Variants in ACSL5 observed in about 807,000 individuals in gnomAD.
The protein encoded by ACSL5 is acyl-CoA synthetase long chain family member 5.
In ACSL5, 50 loss-of-function variants were observed where a neutral mutation model predicts 84.9. The observed-to-expected ratio is 0.59, with a 90% confidence interval of 0.47 to 0.75. ACSL5 has a LOEUF of 0.75. ACSL5 is among the 30% of genes least tolerant of loss of function. The pLI is 0.00. For missense variants in ACSL5, 775 were observed against 830.4 expected (o/e 0.93, Z 0.82); for synonymous variants, 280 against 300.7 (o/e 0.93, Z 0.71).
Position 112,398,974 on chromosome 10 carries a change from T to C in ACSL5, c.230T>C (p.Met77Thr), listed in dbSNP as rs35183065. 1.3e-4 allele frequency: 214 copies of C among 1,614,052 alleles called. No individual in the cohort carries two copies. In the African/African-American group the frequency reaches 2.6e-3, roughly 19 times the overall value. Residue 77 changes from methionine (M) to threonine (T), a missense_variant, in exon 3 of 21, where the codon ATG (methionine) becomes ACG (threonine). Transcript: ENST00000354655. ...TGCTGCTTCTCAGATGCCAAGACTATGTATGAGGTTTTCCAAAGAGGACTC... is the reference window on the plus strand; with the variant it reads ...TGCTGCTTCTCAGATGCCAAGACTACGTATGAGGTTTTCCAAAGAGGACTC... ...TSCCFSDAKT[M>T]YEVFQRGLAV... is the part of the protein sequence containing the mutation.
intron 12 of ACSL5, among the ~76,000 whole-genome samples, chr10:112,416,198 G>T (rs528233412): frequency 6.6e-6 from 1 of 152,162 alleles, no homozygotes; most frequent in Non-Finnish European, 1.5e-5. Context: ...TGGGCCGGGC[G>T]TGGTGGCTCA....
intron 18 of ACSL5, 93 bp downstream of exon 18, chr10:112,425,574 G>T: frequency 5.5e-5 from 47 of 852,418 alleles, no homozygotes; most frequent in Non-Finnish European, 6.7e-5. Flanking sequence ...TTCAGAATGA[G>T]AAGATCCAAG....
intron 1 of ACSL5, among the ~76,000 whole-genome samples, chr10:112,377,945 C>T (rs1179288302): frequency 2.0e-5 from 3 of 152,192 alleles, no homozygotes; most frequent in Non-Finnish European, 2.9e-5. Context: ...AAAGAGAAAA[C>T]ACTTTTTAAT....
At chr10:112,413,444 C>T (rs372211879) in intron 12 of ACSL5, 137 bp downstream of exon 12, 47 of 1,144,170 alleles carry the variant, frequency 4.1e-5, no homozygotes, top group Non-Finnish European at 4.8e-5. Flanking sequence ...ATACAATCCC[C>T]GCCAGGTGTG....
At chr10:112,416,148 G>A (rs1408920245) in intron 12 of ACSL5, among the ~76,000 whole-genome samples, 1 of 152,146 alleles carries the variant, frequency 6.6e-6, no homozygotes, top group Non-Finnish European at 1.5e-5. Flanking sequence ...CAGAGGGAGA[G>A]GGAGGAAGAC....
intron 1 of ACSL5, chr10:112,394,648 A>G (rs1417896214): frequency 1.8e-5 from 14 of 798,514 alleles, no homozygotes; most frequent in Non-Finnish European, 2.1e-5. Flanking sequence ...TTGGGAAATG[A>G]TTAACTTGTT....
intron 1 of ACSL5, among the ~76,000 whole-genome samples, chr10:112,375,866 G>T (rs1849228264): frequency 6.6e-6 from 1 of 152,176 alleles, no homozygotes; most frequent in Non-Finnish European, 1.5e-5. Context: ...GAGAGAGGCG[G>T]GGTAGAAGGT....
At chr10:112,391,108 A>G (rs956216216) in intron 1 of ACSL5, among the ~76,000 whole-genome samples, 2 of 152,164 alleles carry the variant, frequency 1.3e-5, no homozygotes, top group African/African-American at 2.4e-5. Context: ...GCCAGGTGCA[A>G]TGGCTCATGC....
At chr10:112,378,412 A>C (rs1849284863) in intron 1 of ACSL5, among the ~76,000 whole-genome samples, 1 of 151,384 alleles carries the variant, frequency 6.6e-6, no homozygotes, top group Non-Finnish European at 1.5e-5. Flanking sequence ...ATGCCCAAAT[A>C]ATTTTTGTAC....
intron 12 of ACSL5, 79 bp from the exon 13 acceptor site, chr10:112,416,809 C>T: frequency 6.7e-7 from 1 of 1,486,362 alleles, no homozygotes. Context: ...AAAGCTAGAA[C>T]ACACTGTTTC....
chr10:112,400,623 G>A (rs980997416), intron 3 of ACSL5, among the ~76,000 whole-genome samples: 2 of 151,892 alleles, frequency 1.3e-5, no homozygotes, highest in African/African-American at 4.8e-5. Context: ...TGGCCAGGCT[G>A]GTCCTAAACT....
At chr10:112,392,995 G>T (rs1411650401) in intron 1 of ACSL5, among the ~76,000 whole-genome samples, 1 of 152,086 alleles carries the variant, frequency 6.6e-6, no homozygotes, top group Non-Finnish European at 1.5e-5. Flanking sequence ...GGATGGGAGA[G>T]CACAAAACAG....
Position 112,416,998 on chromosome 10 carries a change from C to T in ACSL5, c.1194C>T (p.Asp398=). The change falls in exon 13 of 21, where the codon GAC becomes GAT. Residue 398 remains aspartate (D), a synonymous_variant. Coordinates refer to ENST00000354655, the MANE Select transcript of ACSL5 (RefSeq NM_203379.2). ...TCATCAGGCATGATAGTTTCTGGGA[C>T]AAGCTCATCTTTGCAAAGATCCAGG... ...KGIIRHDSFW[D]KLIFAKIQDS... is the part of the protein sequence containing the mutation. 1 of 1,613,982 alleles carries T rather than the reference C, an allele frequency of 6.2e-7. No individual in the cohort carries two copies. The highest frequency in any genetic ancestry group is 8.5e-7 in the Non-Finnish European group (1 of 1,179,932).
At chr10:112,399,052 G>A (rs1843815242) in intron 3 of ACSL5, 43 bp downstream of exon 3, 1 of 1,510,970 alleles carries the variant, frequency 6.6e-7, no homozygotes, top group Non-Finnish European at 9.2e-7. Flanking sequence ...GACAAGGTGA[G>A]GTCTGTGGCC....
At chr10:112,376,363 G>A (rs1033824700) in intron 1 of ACSL5, 3 of 1,614,010 alleles carry the variant, frequency 1.9e-6, no homozygotes, top group African/African-American at 1.3e-5. Context: ...GAGGGAAGAA[G>A]GACAGGGACT....
At position 112,412,081 on chromosome 10, in the gene ACSL5, C is replaced by T. The variant is rs776187961; in HGVS notation, c.948+102C>T. The T allele has an allele frequency of 4.7e-5, 58 of 1,244,924 alleles. No homozygotes were observed. The East Asian group carries it at 5.8e-4, about 13-fold the overall frequency. The allele number at this position is 1,244,924 out of a possible 1,614,324, so 77.1% of individuals were successfully genotyped here. ...TACACAGTATTTACTGTTCTTTCTC[C>T]GGTGTGAGAGGTGCAGGCAAGGAGT... On this transcript the variant is annotated intron_variant, in intron 11 of 20. Coordinates refer to ENST00000354655, the MANE Select transcript of ACSL5 (RefSeq NM_203379.2).
At chr10:112,411,182 T>C (rs1204734261) in intron 9 of ACSL5, among the ~76,000 whole-genome samples, 3 of 151,890 alleles carry the variant, frequency 2.0e-5, no homozygotes. Context: ...ACAAGGAGGG[T>C]TAACTTGAAT....
rs980345346 is a variant in ACSL5 at position 112,426,543 on chromosome 10, T to A, written c.1839+184T>A. ...ACTCTCTTTTCTATTTAAAATAATA[T>A]GTTCATTGTGGGAAAAGATTGGGAA... is the stretch of plus-strand genomic sequence containing the variant. On this transcript the variant is annotated intron_variant, in intron 19 of 20. Coordinates refer to ENST00000354655, the MANE Select transcript of ACSL5 (RefSeq NM_203379.2). 4.8e-6 allele frequency: 3 copies of A among 622,034 alleles called. No homozygotes were observed. The African/African-American group carries it at 5.5e-5, about 11-fold the overall frequency. 38.5% of individuals were successfully genotyped at this position (622,034 alleles called of 1,614,324 possible). A position where few individuals can be genotyped will look rare whatever the true frequency, so the allele number is the denominator to read the frequency against.
Position 112,426,876 on chromosome 10 carries a change from A to G in ACSL5, c.1911+17A>G. ...TTTGAACAGGTGTGTGCTACCACTG[A>G]TGTTATACTGGCCTCTTGTCAGAAA... On this transcript the variant is annotated intron_variant, in intron 20 of 20. Coordinates refer to ENST00000354655, the MANE Select transcript of ACSL5 (RefSeq NM_203379.2). 1.3e-6 allele frequency: 2 copies of G among 1,577,388 alleles called. No homozygotes were observed. Among genetic ancestry groups the G allele is most frequent in the Non-Finnish European group, 1.7e-6 (2 of 1,146,908 alleles).
Sources: gnomAD v4.1 joint callset for allele counts (sites outside exome capture counted in the v4.1 genomes callset) on GRCh38, gnomAD v4.1.1 for gene constraint, MANE v1.5 for transcripts, NCBI Gene and HGNC (gene_info 2026-07-23, HGNC 2026-07-21) for gene names.